The following CFAP299 variants were observed in gnomAD, a reference collection of about 807,000 sequenced individuals.
CFAP299 encodes the protein cilia and flagella associated protein 299, also known as cilia- and flagella-associated protein 299.
Under a neutral mutation model 27.0 loss-of-function variants are expected in CFAP299, and 21 were observed. That is an observed-to-expected ratio of 0.78 (90% CI 0.55 to 1.12). The LOEUF (loss-of-function observed/expected upper bound fraction) is 1.12, where lower values mean the gene tolerates loss of function less well. CFAP299 is among the 50% of genes most tolerant of loss of function. The pLI, the probability that CFAP299 is intolerant of heterozygous loss-of-function variation, is 0.00. For missense variants in CFAP299, 310 were observed against 276.6 expected (o/e 1.12, Z -0.86); for synonymous variants, 104 against 98.1 (o/e 1.06, Z -0.36).
At chr4:80,328,252 G>A in the CFAP299 span, among the ~76,000 whole-genome samples, 33 of 152,118 alleles carry the variant, frequency 2.2e-4, no homozygotes, top group African/African-American at 7.2e-4. Context: ...GGTCAAAGGA[G>A]CTCACTTGTT....
intron 3 of CFAP299, among the ~76,000 whole-genome samples, chr4:80,594,991 C>T (rs1372174103): frequency 6.6e-6 from 1 of 152,076 alleles, no homozygotes; most frequent in African/African-American, 2.4e-5. Context: ...TTTTTGGCAC[C>T]AAGTCCCAAG....
At chr4:80,849,545 C>T (rs531464206) in intron 3 of CFAP299, among the ~76,000 whole-genome samples, 16 of 152,020 alleles carry the variant, frequency 1.1e-4, no homozygotes, top group East Asian at 9.7e-4. Context: ...AAAAACAGAC[C>T]GACTATGAAT....
intron 2 of CFAP299, chr4:80,386,891 G>A (rs1725039514): frequency 3.6e-6 from 3 of 842,510 alleles, no homozygotes; most frequent in South Asian, 2.7e-5. Context: ...CGCACACCGA[G>A]CATTTGTAGG....
intron 2 of CFAP299, among the ~76,000 whole-genome samples, chr4:80,559,559 A>T (rs970818066): frequency 3.3e-5 from 5 of 152,158 alleles, no homozygotes; most frequent in African/African-American, 9.6e-5. Flanking sequence ...TTATATCACT[A>T]AAAGAGGCAT....
At chr4:80,588,484 A>G (rs1736561234) in intron 3 of CFAP299, among the ~76,000 whole-genome samples, 1 of 151,062 alleles carries the variant, frequency 6.6e-6, no homozygotes, top group East Asian at 1.9e-4. Flanking sequence ...ATCATTTTAT[A>G]TGAAAATTTA....
intron 3 of CFAP299, among the ~76,000 whole-genome samples, chr4:80,653,691 A>G (rs1268015238): frequency 6.6e-6 from 1 of 152,220 alleles, no homozygotes; most frequent in Non-Finnish European, 1.5e-5. Context: ...AAAGGATAGT[A>G]TCAAGAAAAA....
At chr4:80,395,622 A>G (rs1426426043) in intron 2 of CFAP299, among the ~76,000 whole-genome samples, 2 of 152,160 alleles carry the variant, frequency 1.3e-5, no homozygotes, top group Admixed American at 1.3e-4. Flanking sequence ...AGGAAGAAGC[A>G]TAAAGATTAT....
At chr4:80,713,679 A>T (rs1451808792) in intron 3 of CFAP299, among the ~76,000 whole-genome samples, 4 of 152,214 alleles carry the variant, frequency 2.6e-5, no homozygotes, top group Non-Finnish European at 5.9e-5. Context: ...ATAGTCACAC[A>T]ACTAAGCAGT....
At chr4:80,405,514 G>A (rs1726370754) in intron 2 of CFAP299, among the ~76,000 whole-genome samples, 1 of 151,974 alleles carries the variant, frequency 6.6e-6, no homozygotes. Context: ...ATCTCAGAAT[G>A]TATTTTGTAT....
chr4:80,702,341 T>C (rs1380623743), intron 3 of CFAP299, among the ~76,000 whole-genome samples: 1 of 151,912 alleles, frequency 6.6e-6, no homozygotes, highest in African/African-American at 2.4e-5. Context: ...ACATTTATCC[T>C]TTAAAGAAAC....
intron 2 of CFAP299, among the ~76,000 whole-genome samples, chr4:80,547,789 A>G (rs1193323192): frequency 6.6e-6 from 1 of 152,220 alleles, no homozygotes; most frequent in Non-Finnish European, 1.5e-5. Context: ...GTTTGTCATC[A>G]TTAATCATTA....
chr4:80,466,473 A>G (rs1729703781), intron 2 of CFAP299, among the ~76,000 whole-genome samples: 1 of 152,194 alleles, frequency 6.6e-6, no homozygotes, highest in Non-Finnish European at 1.5e-5. Context: ...ATCCATGGCT[A>G]TCTAAAATAA....
intron 2 of CFAP299, among the ~76,000 whole-genome samples, chr4:80,542,733 T>A (rs940708970): frequency 1.3e-5 from 2 of 152,050 alleles, no homozygotes; most frequent in Non-Finnish European, 2.9e-5. Flanking sequence ...CCAGTGGCCA[T>A]TGCCATAGTT....
chr4:80,603,504 A>G (rs1317985365), intron 3 of CFAP299, among the ~76,000 whole-genome samples: 1 of 152,214 alleles, frequency 6.6e-6, no homozygotes, highest in Admixed American at 6.5e-5. Context: ...AGATGATCCC[A>G]TGATCACATT....
chr4:80,791,653 T>G (rs1428743075), intron 3 of CFAP299, among the ~76,000 whole-genome samples: 2 of 152,014 alleles, frequency 1.3e-5, no homozygotes, highest in East Asian at 3.9e-4. Flanking sequence ...AACATGCCTT[T>G]GCAAACCCCT....
At chr4:80,684,752 T>C (rs1720078349) in intron 3 of CFAP299, among the ~76,000 whole-genome samples, 1 of 152,212 alleles carries the variant, frequency 6.6e-6, no homozygotes, top group Admixed American at 6.5e-5. Context: ...ATCATTTACA[T>C]CATTAAAAAT....
At chr4:80,729,882 C>T (rs1723405567) in intron 3 of CFAP299, among the ~76,000 whole-genome samples, 2 of 152,066 alleles carry the variant, frequency 1.3e-5, no homozygotes, top group South Asian at 4.1e-4. Flanking sequence ...GGATTACAGG[C>T]ATGAGCCACA....
At chr4:80,863,670 G>C (rs1331593855) in intron 3 of CFAP299, among the ~76,000 whole-genome samples, 1 of 151,964 alleles carries the variant, frequency 6.6e-6, no homozygotes, top group Admixed American at 6.6e-5. Flanking sequence ...TGCTTAGGTT[G>C]CCAATAAATA....
At chr4:80,879,682 A>T (rs1733594078) in intron 4 of CFAP299, among the ~76,000 whole-genome samples, 1 of 152,156 alleles carries the variant, frequency 6.6e-6, no homozygotes, top group Non-Finnish European at 1.5e-5. Context: ...TGAAGCAGAT[A>T]AGCCCTCAAG....
Sources: gnomAD v4.1 joint callset for allele counts (sites outside exome capture counted in the v4.1 genomes callset) on GRCh38, gnomAD v4.1.1 for gene constraint, MANE v1.5 for transcripts, NCBI Gene and HGNC (gene_info 2026-07-23, HGNC 2026-07-21) for gene names.